The following NAA60 variants were observed in gnomAD, a reference collection of about 807,000 sequenced individuals.
NAA60 encodes the protein N-alpha-acetyltransferase 60, NatF catalytic subunit.
Under a neutral mutation model 26.1 loss-of-function variants are expected in NAA60, and 8 were observed. The ratio of observed to expected loss-of-function variants is 0.31; its 90% CI spans 0.18 to 0.55. The LOEUF is 0.55. Ranked by LOEUF, NAA60 falls within the 20% of genes least tolerant of loss-of-function variation. The probability of loss-of-function intolerance (pLI) is 0.93; values close to 1 mark genes in which losing one functional copy is unlikely to be tolerated. For missense variants in NAA60, 290 were observed against 311.3 expected, an observed-to-expected ratio of 0.93 and a Z score of 0.51; for synonymous variants, 131 against 122.5, an observed-to-expected ratio of 1.07 and a Z score of -0.46.
chr16:3,481,797 G>T (rs986464806), intron 4 of NAA60, among the ~76,000 whole-genome samples: 13 of 152,206 alleles, frequency 8.5e-5, no homozygotes, highest in Non-Finnish European at 1.5e-4. Context: ...GTGAACTGTG[G>T]CTTGAAGAGG....
rs981171494 is a variant in NAA60, at chr16:3,478,602, G to GT, written c.111-861dup. 2.9e-4 allele frequency among the ~76,000 whole-genome samples: 44 copies of GT among 152,096 alleles called. 1 individual carries two copies. Among genetic ancestry groups the GT allele is most frequent in the Admixed American group, 9.2e-4 (14 of 15,266 alleles). ...CATGTCCTGGGCCTTTATGCCCACT[G>GT]TTTTTTTTGCCTGCTCCGCTCAGAG... is the stretch of plus-strand genomic sequence containing the variant. On this transcript the variant is annotated intron_variant, in intron 3 of 7. Coordinates refer to ENST00000407558, the MANE Select transcript of NAA60 (RefSeq NM_001083601.3).
chr16:3,484,082 T>G (rs1163457242), intron 6 of NAA60, among the ~76,000 whole-genome samples: 7 of 152,218 alleles, frequency 4.6e-5, no homozygotes, highest in Admixed American at 4.6e-4. Flanking sequence ...CTTCCCTGCT[T>G]CTTCCTCCTT....
chr16:3,476,817 A>G (rs2036514402), intron 3 of NAA60, among the ~76,000 whole-genome samples: 1 of 152,088 alleles, frequency 6.6e-6, no homozygotes, highest in African/African-American at 2.4e-5. Flanking sequence ...CAAGGAGGGC[A>G]GATCACCTGA....
chr16:3,443,676 A>G, upstream of NAA60: 2 of 1,385,546 alleles, frequency 1.4e-6, no homozygotes, highest in South Asian at 1.6e-5. Flanking sequence ...CTAAGCAACC[A>G]TTTCCGCTTC....
At chr16:3,446,391 C>G (rs140275538) in intron 1 of NAA60, among the ~76,000 whole-genome samples, 2,365 of 151,640 alleles carry the variant, frequency 0.016, 54 homozygotes, top group African/African-American at 0.053. Flanking sequence ...ATTAGCCAGG[C>G]GTGGTAGCGG....
chr16:3,468,357 G>C (rs991254175), intron 2 of NAA60, among the ~76,000 whole-genome samples: 2 of 152,120 alleles, frequency 1.3e-5, no homozygotes, highest in Non-Finnish European at 2.9e-5. Context: ...TTTGGATTTA[G>C]TTCTAAGAAG....
intron 2 of NAA60, among the ~76,000 whole-genome samples, chr16:3,471,528 C>G (rs2036144448): frequency 6.6e-6 from 1 of 152,066 alleles, no homozygotes; most frequent in Admixed American, 6.6e-5. Flanking sequence ...ATAAAAAGAT[C>G]TGGAACGTTT....
intron 3 of NAA60, among the ~76,000 whole-genome samples, chr16:3,478,069 A>G (rs569312923): frequency 6.8e-6 from 1 of 146,750 alleles, no homozygotes; most frequent in South Asian, 2.2e-4. Context: ...TCTCAAAATA[A>G]TAATAATAAT....
chr16:3,486,920 C>G lies in NAA60; in HGVS notation c.*1660C>G, dbSNP rs2037166328. ...TGTTGAACAGATTGTAGCGTTCTGTCTCATTACGAGCAAATAAATAGACTT... is the reference window on the plus strand; with the variant it reads ...TGTTGAACAGATTGTAGCGTTCTGTGTCATTACGAGCAAATAAATAGACTT... On this transcript the variant is annotated 3_prime_UTR_variant, in exon 8 of 8. Transcript: ENST00000407558. 2 of 152,596 alleles carry G rather than the reference C, an allele frequency of 1.3e-5. No individual in the cohort carries two copies. Among genetic ancestry groups the G allele is most frequent in the Admixed American group, 1.3e-4 (2 of 15,284 alleles). 9.5% of individuals were successfully genotyped at this position (152,596 alleles called of 1,614,324 possible).
At chr16:3,474,554 G>A (rs957651340) in intron 2 of NAA60, among the ~76,000 whole-genome samples, 5 of 152,240 alleles carry the variant, frequency 3.3e-5, no homozygotes, top group Non-Finnish European at 4.4e-5. Flanking sequence ...GACAGTGGAC[G>A]CCGCGGGCAC....
intron 2 of NAA60, among the ~76,000 whole-genome samples, chr16:3,450,471 C>G (rs2034731626): frequency 6.6e-6 from 1 of 152,032 alleles, no homozygotes; most frequent in East Asian, 1.9e-4. Context: ...GAGGCTGAGG[C>G]AGGCGGATCA....
At chr16:3,451,293 C>G (rs1338448639) in intron 2 of NAA60, among the ~76,000 whole-genome samples, 1 of 152,188 alleles carries the variant, frequency 6.6e-6, no homozygotes, top group Non-Finnish European at 1.5e-5. Context: ...AATAATATCT[C>G]TGAATGGATA....
At chr16:3,460,838 C>G (rs2035342499) in intron 2 of NAA60, among the ~76,000 whole-genome samples, 1 of 152,152 alleles carries the variant, frequency 6.6e-6, no homozygotes, top group African/African-American at 2.4e-5. Context: ...GTTCAAATGC[C>G]GAATTTGATT....
intron 6 of NAA60, chr16:3,483,833 TC>T: frequency 1.9e-6 from 1 of 529,854 alleles, no homozygotes; most frequent in Admixed American, 3.6e-5. Flanking sequence ...GCTCAAATGA[TC>T]CGCCTGCCGC....
chr16:3,463,682 T>C (rs2035559278), intron 2 of NAA60, among the ~76,000 whole-genome samples: 1 of 149,260 alleles, frequency 6.7e-6, no homozygotes, highest in Non-Finnish European at 1.5e-5. Context: ...CTGGACAACA[T>C]AGGGAGACCC....
chr16:3,485,300 T>A (rs1250748544), intron 7 of NAA60, 167 bp from the exon 8 acceptor site: 1 of 547,816 alleles, frequency 1.8e-6, no homozygotes, highest in Non-Finnish European at 3.5e-6. Context: ...TTTATTTGTG[T>A]GGGGACCGAG....
At chr16:3,471,145 G>A (rs2036113616) in intron 2 of NAA60, among the ~76,000 whole-genome samples, 1 of 152,160 alleles carries the variant, frequency 6.6e-6, no homozygotes, top group South Asian at 2.1e-4. Flanking sequence ...AGAGATGCGA[G>A]CTTATTACGA....
intron 1 of NAA60, 23 bp from the exon 2 acceptor site, chr16:3,448,448 C>T (rs1326573175): frequency 6.5e-7 from 1 of 1,532,624 alleles, no homozygotes; most frequent in Non-Finnish European, 8.7e-7. Flanking sequence ...GAAGTGATGG[C>T]CTTGTGTCTT....
chr16:3,466,368 C>T (rs1165366760), intron 2 of NAA60, among the ~76,000 whole-genome samples: 1 of 152,204 alleles, frequency 6.6e-6, no homozygotes, highest in Admixed American at 6.5e-5. Context: ...TTCTGCTGCT[C>T]TGACACTTTG....
Sources: allele counts gnomAD v4.1 joint callset (sites outside exome capture counted in the v4.1 genomes callset), GRCh38; gene constraint gnomAD v4.1.1; transcripts MANE v1.5; gene names NCBI Gene and HGNC (gene_info 2026-07-23, HGNC 2026-07-21).